The following BMERB1 variants were observed in gnomAD, a reference collection of about 807,000 sequenced individuals.
The protein encoded by BMERB1 is bMERB domain-containing protein 1.
BMERB1 carries 12 observed loss-of-function variants against 23.6 expected under a neutral mutation model. That is an observed-to-expected ratio of 0.51 (90% CI 0.33 to 0.82). The LOEUF is 0.82. Ranked by LOEUF, BMERB1 falls within the 40% of genes least tolerant of loss-of-function variation. The pLI is 0.03. For missense variants in BMERB1, 247 were observed against 255.4 expected (o/e 0.97, Z 0.22); for synonymous variants, 122 against 96.6 (o/e 1.26, Z -1.54).
intron 1 of BMERB1, among the ~76,000 whole-genome samples, chr16:15,462,172 G>A (rs2051141772): frequency 1.1e-5 from 1 of 88,638 alleles, no homozygotes; most frequent in African/African-American, 4.6e-5. Flanking sequence ...TTTTTTTTGA[G>A]GTGGAGCGTC....
intron 1 of BMERB1, among the ~76,000 whole-genome samples, chr16:15,462,595 G>T (rs1170864833): frequency 6.6e-6 from 1 of 152,150 alleles, no homozygotes; most frequent in Non-Finnish European, 1.5e-5. Context: ...GCTGCACCTG[G>T]GAGAGGAGGC....
chr16:15,518,344 A>T (rs1334617194), intron 2 of BMERB1, among the ~76,000 whole-genome samples: 3 of 152,150 alleles, frequency 2.0e-5, no homozygotes, highest in Non-Finnish European at 4.4e-5. Flanking sequence ...AGGCCCCCAG[A>T]TGTCTTGCTG....
At chr16:15,485,961 G>A (rs1163059330) in intron 1 of BMERB1, among the ~76,000 whole-genome samples, 1 of 152,144 alleles carries the variant, frequency 6.6e-6, no homozygotes, top group Non-Finnish European at 1.5e-5. Flanking sequence ...TGGCAGGTTG[G>A]CCAGGTGTAG....
chr16:15,494,738 G>A (rs184878717), intron 1 of BMERB1, among the ~76,000 whole-genome samples: 1 of 152,022 alleles, frequency 6.6e-6, no homozygotes, highest in African/African-American at 2.4e-5. Flanking sequence ...CTTGAGTAAC[G>A]CATAAACTGA....
intron 1 of BMERB1, among the ~76,000 whole-genome samples, chr16:15,443,843 C>T (rs1006110039): frequency 1.3e-4 from 19 of 151,968 alleles, no homozygotes; most frequent in African/African-American, 4.4e-4. Context: ...CGCTTGCACC[C>T]TGGAGGTAGA....
At chr16:15,507,330 C>T (rs2051603187) in intron 1 of BMERB1, among the ~76,000 whole-genome samples, 1 of 152,118 alleles carries the variant, frequency 6.6e-6, no homozygotes. Context: ...TGGTGCATAC[C>T]AGGGCTGCCC....
Position 15,580,369 on chromosome 16 carries a change from G to A in BMERB1, c.305-848G>A, listed in dbSNP as rs546563732. The stretch of plus-strand genomic sequence containing the variant: ...TCCTCCTGCCTTGGTCTCCCAAAGT[G>A]CTGGGATTACAGGTGGCAGGCACTA... On this transcript the variant is annotated intron_variant, in intron 3 of 5. Coordinates refer to ENST00000300006, the MANE Select transcript of BMERB1 (RefSeq NM_033201.3). 5.3e-4 allele frequency among the ~76,000 whole-genome samples: 80 copies of A among 152,164 alleles called. 1 individual carries two copies. The highest frequency in any genetic ancestry group is 1.9e-3 in the African/African-American group (78 of 41,510).
chr16:15,533,959 C>T (rs2051995781), intron 2 of BMERB1, among the ~76,000 whole-genome samples: 1 of 152,044 alleles, frequency 6.6e-6, no homozygotes, highest in Admixed American at 6.6e-5. Flanking sequence ...TGTACATTTC[C>T]AGGGGCTTCC....
At chr16:15,489,212 G>A (rs1374930641) in intron 1 of BMERB1, among the ~76,000 whole-genome samples, 1 of 152,208 alleles carries the variant, frequency 6.6e-6, no homozygotes, top group African/African-American at 2.4e-5. Context: ...GGGAGCGGTG[G>A]TGCCAGTTGG....
intron 2 of BMERB1, chr16:15,532,858 T>C (rs561522903): frequency 7.9e-6 from 3 of 378,624 alleles, no homozygotes; most frequent in African/African-American, 4.2e-5. Context: ...TCCCTGTTTT[T>C]TCATTACTAG....
chr16:15,521,489 A>C (rs1422769463), intron 2 of BMERB1, among the ~76,000 whole-genome samples: 4 of 152,170 alleles, frequency 2.6e-5, no homozygotes, highest in Admixed American at 2.6e-4. Flanking sequence ...TTACTAACAG[A>C]AAGATGCATC....
chr16:15,561,708 C>G (rs1487205166), intron 2 of BMERB1, among the ~76,000 whole-genome samples: 1 of 152,124 alleles, frequency 6.6e-6, no homozygotes, highest in Non-Finnish European at 1.5e-5. Context: ...TCTTGGCCAA[C>G]ATGGCAAGAT....
intron 2 of BMERB1, among the ~76,000 whole-genome samples, chr16:15,560,360 C>T (rs914520832): frequency 3.9e-5 from 6 of 152,226 alleles, no homozygotes; most frequent in African/African-American, 1.2e-4. Flanking sequence ...CCAGAACCCT[C>T]GGAGTAGAAG....
At chr16:15,513,896 A>G (rs1265044325) in intron 1 of BMERB1, among the ~76,000 whole-genome samples, 1 of 152,146 alleles carries the variant, frequency 6.6e-6, no homozygotes, top group Admixed American at 6.6e-5. Context: ...TCCGTCTCAA[A>G]AAAGAAAAAA....
intron 2 of BMERB1, among the ~76,000 whole-genome samples, chr16:15,531,349 C>A (rs2051965254): frequency 6.6e-6 from 1 of 152,138 alleles, no homozygotes. Flanking sequence ...CCGCCTAGGC[C>A]TCCTAAAGTC....
intron 1 of BMERB1, among the ~76,000 whole-genome samples, chr16:15,490,291 A>G (rs2051408606): frequency 6.6e-6 from 1 of 152,144 alleles, no homozygotes; most frequent in South Asian, 2.1e-4. Flanking sequence ...CTGCACTGGC[A>G]TATGTATTTT....
intron 1 of BMERB1, among the ~76,000 whole-genome samples, chr16:15,437,431 C>T (rs909461412): frequency 1.3e-5 from 2 of 152,156 alleles, no homozygotes; most frequent in South Asian, 4.1e-4. Context: ...ACGTATTGTT[C>T]ACTTCCATTC....
At chr16:15,511,376 G>A (rs144117985) in intron 1 of BMERB1, among the ~76,000 whole-genome samples, 1 of 152,062 alleles carries the variant, frequency 6.6e-6, no homozygotes, top group African/African-American at 2.4e-5. Context: ...TTCGGGACCC[G>A]CCATCTTTAG....
At chr16:15,547,712 G>T (rs2029962367) in intron 2 of BMERB1, among the ~76,000 whole-genome samples, 1 of 152,102 alleles carries the variant, frequency 6.6e-6, no homozygotes, top group Non-Finnish European at 1.5e-5. Flanking sequence ...ATGGAGGCCT[G>T]CGTTAGTGAG....
Sources: gnomAD v4.1 joint callset for allele counts (sites outside exome capture counted in the v4.1 genomes callset) on GRCh38, gnomAD v4.1.1 for gene constraint, MANE v1.5 for transcripts, NCBI Gene and HGNC (gene_info 2026-07-23, HGNC 2026-07-21) for gene names.